Variants in RRM2 observed in about 807,000 individuals in gnomAD.
The protein encoded by RRM2 is ribonucleoside-diphosphate reductase subunit M2.
RRM2 carries 6 observed loss-of-function variants against 45.9 expected under a neutral mutation model. The ratio of observed to expected loss-of-function variants is 0.13; its 90% CI spans 0.07 to 0.26. The LOEUF (loss-of-function observed/expected upper bound fraction) is 0.26. Ranked by LOEUF, RRM2 falls within the 10% of genes least tolerant of loss-of-function variation. The pLI is 1.00. For missense variants in RRM2, 343 were observed against 489.5 expected (o/e 0.70, Z 2.82); for synonymous variants, 177 against 173.0 (o/e 1.02, Z -0.18).
chr2:10,123,501 G>T lies in RRM2; in HGVS notation c.289G>T (p.Ala97Ser). The change falls in exon 3 of 10, where the codon GCA becomes TCA. Residue 97 changes from alanine to serine, a missense_variant. Ala to Ser is a moderately conservative substitution (Grantham distance 99). This residue lies in a region of RRM2 where 212 missense variants were observed against 368.1 expected (regional missense o/e 0.58). Coordinates refer to ENST00000304567, the MANE Select transcript of RRM2 (RefSeq NM_001034.4). ...YHDIWQMYKK[A>S]EASFWTAEEV... The stretch of plus-strand genomic sequence containing the variant: ...TGATATCTGGCAGATGTATAAGAAG[G>T]CAGAGGCTTCCTTTTGGACCGCCGA... 6.2e-7 allele frequency: 1 copy of T among 1,613,824 alleles called. No homozygotes were observed. The highest frequency in any genetic ancestry group is 8.5e-7 in the Non-Finnish European group (1 of 1,179,932).
At position 10,205,108 on chromosome 2, in the gene RRM2, C is replaced by T. The variant is rs892268155; in HGVS notation, n.483-5203C>T. 6.6e-6 allele frequency among the ~76,000 whole-genome samples: 1 copy of T among 152,246 alleles called. No individual in the cohort carries two copies. The highest frequency in any genetic ancestry group is 2.4e-5 in the African/African-American group (1 of 41,466). On this transcript the variant is annotated intron_variant and non_coding_transcript_variant, in intron 3 of 3. Coordinates refer to the RRM2 transcript ENST00000381786. This position sits in a 1 kb window ranked among gnomAD's most constrained non-coding sequence, Gnocchi z 4.8. ...GCCTTCTTTGTCCTTACCGTCTCTT[C>T]AGAATCTGTCTGCTTCACCCTGAAT...
At chr2:10,153,646 A>G (rs1663363566) in intron 3 of RRM2, among the ~76,000 whole-genome samples, 1 of 152,190 alleles carries the variant, frequency 6.6e-6, no homozygotes, top group African/African-American at 2.4e-5. Flanking sequence ...TAAGATTGGC[A>G]TAGTTCTCAG....
At chr2:10,178,746 T>C (rs1185600615) in intron 3 of RRM2, among the ~76,000 whole-genome samples, 1 of 152,198 alleles carries the variant, frequency 6.6e-6, no homozygotes, top group African/African-American at 2.4e-5. Context: ...CCTAAATTCA[T>C]ATGTTGGAAT....
At chr2:10,126,081 C>G (rs1662770785) in intron 5 of RRM2, among the ~76,000 whole-genome samples, 2 of 150,286 alleles carry the variant, frequency 1.3e-5, no homozygotes, top group Admixed American at 1.3e-4. Flanking sequence ...ATGGCTTGAG[C>G]CCTGGAGTTT....
intron 4 of RRM2, chr2:10,124,110 T>A: frequency 7.0e-5 from 2 of 28,584 alleles, no homozygotes; most frequent in South Asian, 3.2e-4. Flanking sequence ...TGCCCCCTCT[T>A]TTTTTTTTTT....
rs774622230 is a variant in RRM2 at position 10,129,216 on chromosome 2, T to C, written c.1018-18T>C. 7 of 1,613,794 alleles carry C rather than the reference T, an allele frequency of 4.3e-6. No individual in the cohort carries two copies. Among genetic ancestry groups the C allele is most frequent in the Non-Finnish European group, 5.9e-6 (7 of 1,179,802 alleles). On this transcript the variant is annotated intron_variant, in intron 9 of 9. Transcript: ENST00000304567. This position sits in a 1 kb window ranked among gnomAD's most constrained non-coding sequence, Gnocchi z 4.8. ...AAGCTGGTGCTCTGTATTTATATCT[T>C]GATGTGAACCTTTTCAGGTTTTCAG...
rs542169225 is a variant in RRM2, at chr2:10,204,875, G to A, written n.483-5436G>A. 4.6e-5 allele frequency among the ~76,000 whole-genome samples: 7 copies of A among 152,296 alleles called. No homozygotes were observed. The highest frequency in any genetic ancestry group is 1.3e-4 in the Admixed American group (2 of 15,294). On this transcript the variant is annotated intron_variant and non_coding_transcript_variant, in intron 3 of 3. Coordinates refer to the RRM2 transcript ENST00000381786. This position sits in a 1 kb window ranked among gnomAD's most constrained non-coding sequence, Gnocchi z 4.0. ...ATGTCGTCATGTGCCACTAACAGGC[G>A]TCGCCAAGACCAGCCAGGTGCAGAC...
At chr2:10,147,857 G>A (rs929021566) in intron 3 of RRM2, among the ~76,000 whole-genome samples, 12 of 152,012 alleles carry the variant, frequency 7.9e-5, no homozygotes, top group Non-Finnish European at 1.2e-4. Context: ...AGAAATCAGA[G>A]ACTTAGACCA....
chr2:10,200,528 G>A (rs7567964), intron 3 of RRM2, among the ~76,000 whole-genome samples: 179 of 4,588 alleles, frequency 0.039, 41 homozygotes, highest in African/African-American at 0.1. Context: ...GGGACTGCGC[G>A]CACAAATTAT....
At chr2:10,210,167 A>G in intron 3 of RRM2, 1 of 414,208 alleles carries the variant, frequency 2.4e-6, no homozygotes, top group South Asian at 2.0e-5. Flanking sequence ...TTTCTCCCTC[A>G]TGGACTCCCA....
intron 3 of RRM2, among the ~76,000 whole-genome samples, chr2:10,170,404 G>A (rs934550386): frequency 1.3e-5 from 2 of 152,122 alleles, no homozygotes; most frequent in Non-Finnish European, 2.9e-5. Context: ...GAAATCAGAC[G>A]GTCCCTGGCT....
exon 4 of RRM2, chr2:10,210,764 T>C (rs1274581269): frequency 6.6e-6 from 3 of 455,202 alleles, no homozygotes; most frequent in Non-Finnish European, 1.1e-5. Flanking sequence ...GTTCATATGT[T>C]GAACCCCTAA....
chr2:10,149,553 T>C (rs999239616), intron 3 of RRM2, among the ~76,000 whole-genome samples: 8 of 152,234 alleles, frequency 5.3e-5, no homozygotes, highest in African/African-American at 1.9e-4. Flanking sequence ...CTGTTCCTTT[T>C]CTCGTTTTTA....
intron 3 of RRM2, among the ~76,000 whole-genome samples, chr2:10,158,006 G>A (rs771351591): frequency 6.6e-6 from 1 of 152,190 alleles, no homozygotes; most frequent in Non-Finnish European, 1.5e-5. Flanking sequence ...GGAGGGGTAA[G>A]TGACTAAATG....
chr2:10,198,405 ATTT>A (rs756036632), intron 3 of RRM2, among the ~76,000 whole-genome samples: 1 of 136,044 alleles, frequency 7.4e-6, no homozygotes. Context: ...TCTTTGGCCC[ATTT>A]TTTTTTTTTT....
rs142386540 is a variant in RRM2 at position 10,180,003 on chromosome 2, G to C, written n.483-30308G>C. Among the ~76,000 whole-genome samples the C allele has an allele frequency of 4.7e-3, 711 of 152,318 alleles. 6 individuals are homozygous for C. The highest frequency in any genetic ancestry group is 0.016 in the African/African-American group (658 of 41,570). Reference sequence around the variant, plus strand: ...TCCACCCAGAGCCACCTCTCTGTGAGAGCGGCCCCACCAATGACTTTCCTG... The same window carrying C: ...TCCACCCAGAGCCACCTCTCTGTGACAGCGGCCCCACCAATGACTTTCCTG... On this transcript the variant is annotated intron_variant and non_coding_transcript_variant, in intron 3 of 3. Transcript: ENST00000381786.
intron 3 of RRM2, among the ~76,000 whole-genome samples, chr2:10,175,894 T>C (rs1395460869): frequency 6.6e-6 from 1 of 151,968 alleles, no homozygotes; most frequent in Non-Finnish European, 1.5e-5. Flanking sequence ...GCATGAGCCA[T>C]TGTGCCTGGC....
intron 5 of RRM2, among the ~76,000 whole-genome samples, chr2:10,125,269 T>A (rs978737673): frequency 2.6e-5 from 4 of 152,158 alleles, no homozygotes; most frequent in African/African-American, 9.7e-5. Flanking sequence ...AGGAGTTACA[T>A]AAGGCAGAGG....
intron 3 of RRM2, among the ~76,000 whole-genome samples, chr2:10,199,453 A>G (rs1273782951): frequency 1.3e-5 from 2 of 152,008 alleles, no homozygotes; most frequent in South Asian, 2.1e-4. Flanking sequence ...TTTGAAACAC[A>G]ATTCTCTCTC....
Sources: gnomAD v4.1 joint callset for allele counts (sites outside exome capture counted in the v4.1 genomes callset) on GRCh38, gnomAD v4.1.1 for gene constraint, gnomAD v4.1.1 regional missense constraint, Gnocchi (gnomAD v3.1) non-coding constraint, MANE v1.5 for transcripts, NCBI Gene and HGNC (gene_info 2026-07-23, HGNC 2026-07-21) for gene names.